Variants in CYTH3 observed in about 807,000 individuals in gnomAD.
CYTH3 encodes the protein cytohesin 3, also known as cytohesin-3.
Under a neutral mutation model 55.1 loss-of-function variants are expected in CYTH3, and 23 were observed. The observed-to-expected ratio is 0.42, with a 90% CI of 0.30 to 0.59. CYTH3 has a LOEUF of 0.59. Among genes scored for constraint, CYTH3 ranks in the 20% least tolerant of loss-of-function variants. The pLI is 0.20. For synonymous variants in CYTH3, 249 were observed against 194.9 expected (o/e 1.28, Z -2.31); for missense variants, 413 against 524.8 (o/e 0.79, Z 2.08).
intron 1 of CYTH3, among the ~76,000 whole-genome samples, chr7:6,207,026 A>G (rs555846460): frequency 1.2e-4 from 18 of 152,134 alleles, no homozygotes; most frequent in Non-Finnish European, 8.8e-5. Context: ...CCAATACTAC[A>G]AACTTTAAGA....
At chr7:6,225,647 A>G (rs553254573) in intron 1 of CYTH3, among the ~76,000 whole-genome samples, 1 of 148,862 alleles carries the variant, frequency 6.7e-6, no homozygotes, top group Admixed American at 6.7e-5. Context: ...TGAGCCACCG[A>G]GCATGGCCTG....
chr7:6,180,565 C>A (rs575117453), intron 4 of CYTH3, among the ~76,000 whole-genome samples: 96 of 152,320 alleles, frequency 6.3e-4, no homozygotes, highest in Non-Finnish European at 1.2e-3. Flanking sequence ...GCCCACACCC[C>A]GATCTCGGAC....
intron 1 of CYTH3, among the ~76,000 whole-genome samples, chr7:6,237,175 A>C (rs1481087518): frequency 6.6e-6 from 1 of 152,166 alleles, no homozygotes; most frequent in Non-Finnish European, 1.5e-5. Flanking sequence ...GTTCTACACA[A>C]ACTGTCTTCT....
At chr7:6,217,962 C>T (rs1420015031) in intron 1 of CYTH3, among the ~76,000 whole-genome samples, 1 of 152,060 alleles carries the variant, frequency 6.6e-6, no homozygotes, top group Non-Finnish European at 1.5e-5. Context: ...GTGGGCAGAT[C>T]ACTTGAGCTC....
intron 1 of CYTH3, among the ~76,000 whole-genome samples, chr7:6,246,694 A>T (rs1212266121): frequency 8.7e-6 from 1 of 115,336 alleles, no homozygotes; most frequent in Non-Finnish European, 1.7e-5. Context: ...CCTACTTCTC[A>T]GTTTCTACTA....
chr7:6,270,562 T>C (rs1780623872), intron 1 of CYTH3, among the ~76,000 whole-genome samples: 1 of 152,238 alleles, frequency 6.6e-6, no homozygotes, highest in Non-Finnish European at 1.5e-5. Flanking sequence ...AATGTTTATG[T>C]TGTTTAAACC....
chr7:6,210,169 G>A (rs1178581619), intron 1 of CYTH3, among the ~76,000 whole-genome samples: 1 of 151,886 alleles, frequency 6.6e-6, no homozygotes, highest in Admixed American at 6.5e-5. Context: ...ACTAATGTAA[G>A]ATGTTAATAA....
At chr7:6,254,968 G>C (rs1404080536) in intron 1 of CYTH3, among the ~76,000 whole-genome samples, 1 of 152,186 alleles carries the variant, frequency 6.6e-6, no homozygotes, top group Non-Finnish European at 1.5e-5. Flanking sequence ...CCAATCATCA[G>C]TTATTCCTCA....
intron 1 of CYTH3, among the ~76,000 whole-genome samples, chr7:6,256,870 C>G (rs1021852482): frequency 3.3e-5 from 5 of 152,250 alleles, no homozygotes; most frequent in African/African-American, 1.2e-4. Context: ...GTGAAGCTGG[C>G]GGGACAACGT....
At chr7:6,243,423 G>T (rs1280027387) in intron 1 of CYTH3, among the ~76,000 whole-genome samples, 2 of 152,162 alleles carry the variant, frequency 1.3e-5, no homozygotes, top group Admixed American at 1.3e-4. Flanking sequence ...GGGCAGGATG[G>T]GGGTGGGGAA....
chr7:6,166,375 T>C (rs1562873115), intron 9 of CYTH3, among the ~76,000 whole-genome samples: 1 of 152,254 alleles, frequency 6.6e-6, no homozygotes, highest in Non-Finnish European at 1.5e-5. Context: ...ACAAACTGAC[T>C]TCAGCTGCTA....
chr7:6,202,399 G>GCA (rs1391924677), intron 1 of CYTH3, among the ~76,000 whole-genome samples: 3 of 151,856 alleles, frequency 2.0e-5, no homozygotes, highest in African/African-American at 4.8e-5. Flanking sequence ...GACAAGAGCA[G>GCA]CACGTGAACC....
chr7:6,271,779 T>A (rs568155559), intron 1 of CYTH3, among the ~76,000 whole-genome samples: 12 of 152,278 alleles, frequency 7.9e-5, no homozygotes, highest in African/African-American at 2.9e-4. Context: ...CACCTGGCTC[T>A]CCGGTCTTGC....
At chr7:6,237,134 G>C (rs956170632) in intron 1 of CYTH3, among the ~76,000 whole-genome samples, 1 of 152,056 alleles carries the variant, frequency 6.6e-6, no homozygotes, top group African/African-American at 2.4e-5. Flanking sequence ...CTCCCGCCTC[G>C]GCAGGCGTTG....
At chr7:6,250,709 G>C (rs1045454348) in intron 1 of CYTH3, among the ~76,000 whole-genome samples, 4 of 152,160 alleles carry the variant, frequency 2.6e-5, no homozygotes, top group African/African-American at 9.7e-5. Flanking sequence ...ATGGGGCCCA[G>C]GTTCTTTTTG....
intron 1 of CYTH3, among the ~76,000 whole-genome samples, chr7:6,219,973 A>C (rs1445863242): frequency 2.0e-5 from 3 of 152,152 alleles, no homozygotes; most frequent in Non-Finnish European, 2.9e-5. Flanking sequence ...AGATGAATGG[A>C]ACAGAAGAGA....
At position 6,215,866 on chromosome 7, in the gene CYTH3, A is replaced by G. The variant is rs1166689784; in HGVS notation, c.35-25335T>C. Among the ~76,000 whole-genome samples the G allele has an allele frequency of 3.9e-5, 6 of 152,354 alleles. No individual in the cohort carries two copies. In the South Asian group the frequency reaches 6.2e-4, roughly 16 times the overall value. ...CAAATGACAATGGGCTTCTCATCAA[A>G]ACCACAATGGCCAGAGGAAGTAGCA... On this transcript the variant is annotated intron_variant, in intron 1 of 12. Coordinates refer to ENST00000350796, the MANE Select transcript of CYTH3 (RefSeq NM_004227.4).
intron 1 of CYTH3, among the ~76,000 whole-genome samples, chr7:6,228,281 G>C (rs866466702): frequency 6.6e-6 from 1 of 152,204 alleles, no homozygotes; most frequent in Non-Finnish European, 1.5e-5. Flanking sequence ...CCCTGGCTTA[G>C]AGGGACCTTT....
At chr7:6,176,572 G>C (rs1783357646) in intron 5 of CYTH3, among the ~76,000 whole-genome samples, 1 of 151,992 alleles carries the variant, frequency 6.6e-6, no homozygotes, top group Non-Finnish European at 1.5e-5. Flanking sequence ...ATTGAGTTTT[G>C]TATATTAATT....
Sources: allele counts gnomAD v4.1 joint callset (sites outside exome capture counted in the v4.1 genomes callset), GRCh38; gene constraint gnomAD v4.1.1; transcripts MANE v1.5; gene names NCBI Gene and HGNC (gene_info 2026-07-23, HGNC 2026-07-21).